SMAD4: variants seen among roughly 807,000 people sequenced by gnomAD.
SMAD4 encodes MAD homolog 4.
SMAD4 carries 7 observed loss-of-function variants against 63.2 expected under a neutral mutation model. The observed-to-expected ratio is 0.11, with a 90% CI of 0.06 to 0.21. The LOEUF is 0.21. Among genes scored for constraint, SMAD4 ranks in the 10% least tolerant of loss-of-function variants. The pLI is 1.00. For missense variants in SMAD4, 312 were observed against 693.8 expected (o/e 0.45, Z 6.18); for synonymous variants, 215 against 235.4 (o/e 0.91, Z 0.79).
chr18:51,082,763 G>A lies in SMAD4; in HGVS notation c.*4296G>A, dbSNP rs1198401428. 1 of 229,810 alleles carries A rather than the reference G, an allele frequency of 4.4e-6. No individual in the cohort carries two copies. The highest frequency in any genetic ancestry group is 2.2e-5 in the African/African-American group (1 of 44,988). The allele number at this position is 229,810 out of a possible 1,614,324, so 14.2% of individuals were successfully genotyped here. ...TTTTTTTAACCCACTTCCCCTCCTG[G>A]TCTCTTCCCTCTCTGATAATTACCA... is the stretch of plus-strand genomic sequence containing the variant. On this transcript the variant is annotated 3_prime_UTR_variant, in exon 12 of 12. Transcript: ENST00000342988.
chr18:51,034,801 C>G (rs1012708521), intron 1 of SMAD4, among the ~76,000 whole-genome samples: 1 of 152,140 alleles, frequency 6.6e-6, no homozygotes, highest in Non-Finnish European at 1.5e-5. Context: ...CCACCTCGAC[C>G]TCCCAAAGTG....
intron 1 of SMAD4, among the ~76,000 whole-genome samples, chr18:51,036,104 G>T (rs1909196675): frequency 6.6e-6 from 1 of 152,038 alleles, no homozygotes; most frequent in Non-Finnish European, 1.5e-5. Context: ...CTCCAGAGTA[G>T]CTAGGACTAC....
intron 1 of SMAD4, among the ~76,000 whole-genome samples, chr18:51,037,749 T>C (rs1208085187): frequency 6.6e-6 from 1 of 152,194 alleles, no homozygotes; most frequent in African/African-American, 2.4e-5. Flanking sequence ...TTTTTATTTT[T>C]ATTTAACAGG....
Position 51,067,148 on chromosome 18 carries a change from A to G in SMAD4, c.1269A>G (p.Gly423=), listed in dbSNP as rs1052676207. The change falls in exon 10 of 12, where the codon GGA becomes GGG. Residue 423 remains glycine, a synonymous_variant. Transcript: ENST00000342988. The stretch of plus-strand genomic sequence containing the variant: ...ACAGAGAAGCTGGGCGTGCACCTGG[A>G]GATGCTGTTCATAAGATCTACCCAA... ...YLDREAGRAP[G]DAVHKIYPSA... The G allele has an allele frequency of 1.2e-6, 2 of 1,608,940 alleles. No homozygotes were observed. The highest frequency in any genetic ancestry group is 2.7e-5 in the African/African-American group (2 of 74,866).
intron 3 of SMAD4, 118 bp downstream of exon 3, chr18:51,048,978 TAAAG>T (rs1483464920): frequency 1.1e-6 from 1 of 872,068 alleles, no homozygotes; most frequent in Non-Finnish European, 1.8e-6. Flanking sequence ...TAAATAAGGT[TAAAG>T]AATCAGACAT....
chr18:51,076,878 T>G (rs958091674), intron 11 of SMAD4, 102 bp downstream of exon 11: 5 of 895,200 alleles, frequency 5.6e-6, no homozygotes, highest in Admixed American at 3.3e-5. Context: ...GAAATTAAAG[T>G]TTTTTTTTAC....
chr18:51,066,783 T>A, intron 9 of SMAD4: 1 of 481,378 alleles, frequency 2.1e-6, no homozygotes, highest in Non-Finnish European at 3.7e-6. Flanking sequence ...AAGGGTTTAA[T>A]GAGAATTCAT....
At chr18:51,043,161 C>G (rs1414527431) in intron 1 of SMAD4, among the ~76,000 whole-genome samples, 1 of 152,074 alleles carries the variant, frequency 6.6e-6, no homozygotes, top group Non-Finnish European at 1.5e-5. Flanking sequence ...TTCAGTAAAG[C>G]TAAGGTGGTG....
intron 1 of SMAD4, among the ~76,000 whole-genome samples, chr18:51,037,605 C>G (rs1909243291): frequency 6.6e-6 from 1 of 152,250 alleles, no homozygotes; most frequent in South Asian, 2.1e-4. Flanking sequence ...TGGAGTATGT[C>G]TTTTTAATAG....
At position 51,076,796 on chromosome 18, in the gene SMAD4, T is replaced by C. The variant is rs2144474985; in HGVS notation, c.1447+20T>C. ...CTATCAGTAAGTATGCTTTTCATTC[T>C]TTTTTAAAGGTATAATAGTTGATAT... On this transcript the variant is annotated intron_variant, in intron 11 of 11. Coordinates refer to ENST00000342988, the MANE Select transcript of SMAD4 (RefSeq NM_005359.6). The C allele has an allele frequency of 6.4e-7, 1 of 1,572,520 alleles. No homozygotes were observed.
At chr18:51,076,514 TTTAA>T (rs1343966140) in intron 10 of SMAD4, 120 bp from the exon 11 acceptor site, 2 of 825,962 alleles carry the variant, frequency 2.4e-6, no homozygotes, top group African/African-American at 3.5e-5. Flanking sequence ...GTTTACATGT[TTTAA>T]TTAATTCTTT....
intron 11 of SMAD4, chr18:51,077,484 A>G (rs777175604): frequency 4.2e-6 from 2 of 472,156 alleles, no homozygotes; most frequent in Non-Finnish European, 5.5e-6. Flanking sequence ...AGTACATGCA[A>G]ATTCCTCCCA....
At chr18:51,075,773 G>A (rs1019530783) in intron 10 of SMAD4, among the ~76,000 whole-genome samples, 2 of 152,028 alleles carry the variant, frequency 1.3e-5, no homozygotes, top group African/African-American at 4.8e-5. Context: ...ATTTATTAAC[G>A]CCTTAACTCA....
rs1158916751 is a variant in SMAD4 at position 51,065,347 on chromosome 18, A to T, written c.956-76A>T. On this transcript the variant is annotated intron_variant, in intron 8 of 11. Transcript: ENST00000342988. ...CCCTTTACCCTTTCTTTTAGGAAAA[A>T]CTGTGTTGTGGAGTGCAAGTGAAAG... 3.3e-6 allele frequency: 4 copies of T among 1,215,472 alleles called. No individual in the cohort carries two copies. The Admixed American group carries it at 6.7e-5, about 20-fold the overall frequency. The allele number at this position is 1,215,472 out of a possible 1,614,324, so 75.3% of individuals were successfully genotyped here. A position where few individuals can be genotyped will look rare whatever the true frequency, so the allele number is the denominator to read the frequency against.
chr18:51,083,934 A>G lies in SMAD4; in HGVS notation c.*5467A>G, dbSNP rs1349410292. The G allele has an allele frequency of 4.3e-6, 1 of 231,234 alleles. No individual in the cohort carries two copies. The highest frequency in any genetic ancestry group is 8.6e-6 in the Non-Finnish European group (1 of 116,872). The allele number at this position is 231,234 out of a possible 1,614,324, so 14.3% of individuals were successfully genotyped here. The stretch of plus-strand genomic sequence containing the variant: ...CAAAAGGTTACATAGTATGCCCTTA[A>G]GACTTAATTTTAACCAAAGGCCTAG... On this transcript the variant is annotated 3_prime_UTR_variant, in exon 12 of 12. Coordinates refer to ENST00000342988, the MANE Select transcript of SMAD4 (RefSeq NM_005359.6).
intron 1 of SMAD4, among the ~76,000 whole-genome samples, chr18:51,043,510 G>C (rs1232912173): frequency 6.6e-6 from 1 of 152,036 alleles, no homozygotes; most frequent in Admixed American, 6.5e-5. Context: ...CCATAATCTA[G>C]AACCATTTAA....
rs1288240994 is a variant in SMAD4, at chr18:51,084,010, G to GCACACA, written c.*5544_*5545insACACAC. 5 of 60,714 alleles carry GCACACA rather than the reference G, an allele frequency of 8.2e-5. No individual in the cohort carries two copies. Among genetic ancestry groups the GCACACA allele is most frequent in the Middle Eastern group, 5.2e-3 (1 of 192 alleles). 3.8% of individuals were successfully genotyped at this position (60,714 alleles called of 1,614,324 possible). On this transcript the variant is annotated 3_prime_UTR_variant, in exon 12 of 12. Transcript: ENST00000342988. ...ACTTAACGCGCGTGCGCACGCGCGCGCGCACACACACACACACACACACAC... is the reference window on the plus strand; with the variant it reads ...ACTTAACGCGCGTGCGCACGCGCGCGCACACACGCACACACACACACACACACACAC...
At chr18:51,030,858 C>T (rs1909026599) in intron 1 of SMAD4, among the ~76,000 whole-genome samples, 1 of 151,816 alleles carries the variant, frequency 6.6e-6, no homozygotes, top group Non-Finnish European at 1.5e-5. Context: ...GCTTGCAGCT[C>T]GTGGGAGAAT....
At chr18:51,062,149 G>A (rs1053834115) in intron 8 of SMAD4, among the ~76,000 whole-genome samples, 1 of 152,112 alleles carries the variant, frequency 6.6e-6, no homozygotes, top group African/African-American at 2.4e-5. Flanking sequence ...TTCTTTTAAC[G>A]ATATATATTT....
Sources: gnomAD v4.1 joint callset for allele counts (sites outside exome capture counted in the v4.1 genomes callset) on GRCh38, gnomAD v4.1.1 for gene constraint, MANE v1.5 for transcripts, NCBI Gene and HGNC (gene_info 2026-07-23, HGNC 2026-07-21) for gene names.